Variants in RPH3A observed in about 807,000 individuals in gnomAD.
RPH3A encodes the protein rabphilin 3A, also known as rabphilin-3A.
Under a neutral mutation model 102.2 loss-of-function variants are expected in RPH3A, and 48 were observed. The observed-to-expected ratio is 0.47, with a 90% CI of 0.37 to 0.60. RPH3A has a LOEUF of 0.60. RPH3A is among the 20% of genes least tolerant of loss of function. The pLI, the probability that RPH3A is intolerant of heterozygous loss-of-function variation, is 0.00. For missense variants in RPH3A, 781 were observed against 910.1 expected (o/e 0.86, Z 1.83); for synonymous variants, 310 against 324.3 (o/e 0.96, Z 0.47).
rs114366835 is a variant in RPH3A, at chr12:112,840,790, A to C, written c.83+4288A>C. ...TATTTCGGGTAGGGGCATACAACCA[A>C]TTCCCCGCTTCCACCTCAAAGGCAG... is the stretch of plus-strand genomic sequence containing the variant. On this transcript the variant is annotated intron_variant, in intron 4 of 21. Transcript: ENST00000389385. Among the ~76,000 whole-genome samples the C allele has an allele frequency of 6.3e-3, 953 of 152,152 alleles. 10 individuals carry two copies. The highest frequency in any genetic ancestry group is 0.017 in the African/African-American group (700 of 41,488).
chr12:112,835,437 A>G (rs966995067), intron 3 of RPH3A, among the ~76,000 whole-genome samples: 13 of 152,222 alleles, frequency 8.5e-5, no homozygotes, highest in African/African-American at 3.1e-4. Context: ...AAGCCAAACA[A>G]TTTGCCTTAC....
In RPH3A at chr12:112,895,786, T is replaced by C. The variant is rs2043169881; in HGVS notation, c.1867T>C (p.Tyr623His). ...LNPEFNEEFF[Y>H]DIKHSDLAKK... is the part of the protein sequence containing the mutation. ...CCTCTGTTGTATTCAGGAGTTTTTC[T>C]ATGACATCAAACACAGTGACCTGGC... Residue 623 changes from tyrosine (Y) to histidine (H), a missense_variant, in exon 21 of 22, where the codon TAT becomes CAT. Tyr to His is a moderately conservative substitution (Grantham distance 83). This residue lies in a region of RPH3A where 51 missense variants were observed against 100.1 expected (regional missense o/e 0.51). Coordinates refer to ENST00000389385, the MANE Select transcript of RPH3A (RefSeq NM_001143854.2). The C allele has an allele frequency of 1.2e-6, 2 of 1,613,344 alleles. 1 individual carries two copies. Among genetic ancestry groups the C allele is most frequent in the Middle Eastern group, 3.3e-4 (2 of 6,082 alleles).
At chr12:112,620,818 C>T (rs1005855007) in intron 1 of RPH3A, among the ~76,000 whole-genome samples, 2 of 150,448 alleles carry the variant, frequency 1.3e-5, no homozygotes, top group Admixed American at 1.3e-4. Flanking sequence ...GATTCCTCTC[C>T]TTCTTTCCTA....
intron 1 of RPH3A, among the ~76,000 whole-genome samples, chr12:112,753,816 G>A (rs1236864514): frequency 6.6e-6 from 1 of 152,180 alleles, no homozygotes; most frequent in Non-Finnish European, 1.5e-5. Flanking sequence ...TGGAACCTGT[G>A]AATATATTAT....
At chr12:112,878,581 C>G (rs1206809666) in intron 13 of RPH3A, among the ~76,000 whole-genome samples, 1 of 152,156 alleles carries the variant, frequency 6.6e-6, no homozygotes, top group Admixed American at 6.5e-5. Flanking sequence ...GGAGACAGAG[C>G]ACCATAAAAG....
At chr12:112,651,581 C>T (rs1555280831) in intron 1 of RPH3A, among the ~76,000 whole-genome samples, 2 of 152,136 alleles carry the variant, frequency 1.3e-5, no homozygotes. Flanking sequence ...TCTAATTGTG[C>T]TAAATATAAA....
chr12:112,720,906 G>A (rs1392337181), intron 1 of RPH3A, among the ~76,000 whole-genome samples: 1 of 152,198 alleles, frequency 6.6e-6, no homozygotes, highest in Non-Finnish European at 1.5e-5. Context: ...AAGAATTGGA[G>A]CAATGTTTCA....
At chr12:112,802,755 G>C (rs2041379299) in intron 2 of RPH3A, among the ~76,000 whole-genome samples, 1 of 151,822 alleles carries the variant, frequency 6.6e-6, no homozygotes. Flanking sequence ...AGCCATGCTG[G>C]CTCCTCATCA....
intron 1 of RPH3A, among the ~76,000 whole-genome samples, chr12:112,597,335 C>T (rs574489790): frequency 1.7e-4 from 26 of 152,134 alleles, no homozygotes; most frequent in Non-Finnish European, 2.6e-4. Flanking sequence ...ATAATCCCAG[C>T]ATTTTGGGGG....
chr12:112,703,243 G>C (rs373466394), intron 1 of RPH3A, among the ~76,000 whole-genome samples: 110 of 152,356 alleles, frequency 7.2e-4, no homozygotes, highest in African/African-American at 2.6e-3. Flanking sequence ...AGTGGAGTCA[G>C]ATGTGTGAAT....
intron 1 of RPH3A, among the ~76,000 whole-genome samples, chr12:112,579,586 G>A (rs2039382670): frequency 6.6e-6 from 1 of 152,084 alleles, no homozygotes. Flanking sequence ...AAGATTAGCT[G>A]TATTGCATCA....
chr12:112,804,005 G>C (rs551144741), intron 2 of RPH3A, among the ~76,000 whole-genome samples: 69 of 152,288 alleles, frequency 4.5e-4, no homozygotes, highest in African/African-American at 1.5e-3. Context: ...CTGGATACAT[G>C]CAAGTTGTTT....
chr12:112,647,966 T>C (rs1183901421), intron 1 of RPH3A, among the ~76,000 whole-genome samples: 2 of 152,224 alleles, frequency 1.3e-5, no homozygotes, highest in East Asian at 1.9e-4. Context: ...ATAAGACTCA[T>C]TTTGAGGAGA....
chr12:112,721,814 G>T (rs939030408), intron 1 of RPH3A, among the ~76,000 whole-genome samples: 1 of 152,078 alleles, frequency 6.6e-6, no homozygotes, highest in Non-Finnish European at 1.5e-5. Flanking sequence ...CCAATGAAAA[G>T]AAAATGATAA....
At position 112,656,795 on chromosome 12, in the gene RPH3A, G is replaced by GTA. The variant is rs112550203; in HGVS notation, c.-140+81487_-140+81488dup. Among the ~76,000 whole-genome samples, 1,002 of 150,968 alleles carry GTA rather than the reference G, an allele frequency of 6.6e-3. 16 individuals are homozygous for GTA. Among genetic ancestry groups the GTA allele is most frequent in the African/African-American group, 0.023 (942 of 41,070 alleles). On this transcript the variant is annotated intron_variant, in intron 1 of 21. Transcript: ENST00000543106. ...ATATAGTATTCCACGGTGTGTGTGT[G>GTA]TATATATATATACATATATATATAT...
chr12:112,600,058 A>G (rs2039547591), intron 1 of RPH3A, among the ~76,000 whole-genome samples: 1 of 152,164 alleles, frequency 6.6e-6, no homozygotes, highest in African/African-American at 2.4e-5. Context: ...TCTATGCTCA[A>G]TAAGGGCATT....
chr12:112,780,948 G>GT (rs1361829612), intron 1 of RPH3A, among the ~76,000 whole-genome samples: 2 of 152,154 alleles, frequency 1.3e-5, no homozygotes, highest in African/African-American at 4.8e-5. Context: ...GAGGTCAAGA[G>GT]TTTGAGACCA....
chr12:112,712,991 TTG>T lies in RPH3A; in HGVS notation c.-139-79150_-139-79149del, dbSNP rs1565857062. Among the ~76,000 whole-genome samples, 112 of 109,216 alleles carry T rather than the reference TTG, an allele frequency of 1.0e-3. 4 individuals carry two copies. The highest frequency in any genetic ancestry group is 2.7e-3 in the South Asian group (7 of 2,556). The allele number at this position is 109,216 out of a possible 152,430, so 71.6% of individuals were successfully genotyped here. A position where few individuals can be genotyped will look rare whatever the true frequency, so the allele number is the denominator to read the frequency against. On this transcript the variant is annotated intron_variant, in intron 1 of 21. Coordinates refer to the RPH3A transcript ENST00000543106. ...TCTTCTTCTTTCTTCTTCGTCGTCTTTGTCTTCCTCTTCCTCTTCCTCTTCCT... is the reference window on the plus strand; with the variant it reads ...TCTTCTTCTTTCTTCTTCGTCGTCTTTCTTCCTCTTCCTCTTCCTCTTCCT...
At chr12:112,862,638 C>T (rs1446083180) in intron 5 of RPH3A, among the ~76,000 whole-genome samples, 1 of 151,354 alleles carries the variant, frequency 6.6e-6, no homozygotes, top group Non-Finnish European at 1.5e-5. Flanking sequence ...GAAGAGCGTG[C>T]TGCCTTCAGC....
Sources: gnomAD v4.1 joint callset for allele counts (sites outside exome capture counted in the v4.1 genomes callset) on GRCh38, gnomAD v4.1.1 for gene constraint, gnomAD v4.1.1 regional missense constraint, MANE v1.5 for transcripts, NCBI Gene and HGNC (gene_info 2026-07-23, HGNC 2026-07-21) for gene names.